SHC4: variants seen among roughly 807,000 people sequenced by gnomAD.
The protein encoded by SHC4 is SHC-transforming protein 4.
In SHC4, 41 loss-of-function variants were observed where a neutral mutation model predicts 69.4. The ratio of observed to expected loss-of-function variants is 0.59; its 90% CI spans 0.46 to 0.77. SHC4 has a LOEUF of 0.77. Among genes scored for constraint, SHC4 ranks in the 30% least tolerant of loss-of-function variants. The probability of loss-of-function intolerance (pLI) is 0.00; values close to 1 mark genes in which losing one functional copy is unlikely to be tolerated. For synonymous variants in SHC4, 318 were observed against 299.3 expected, an observed-to-expected ratio of 1.06 and a Z score of -0.64; for missense variants, 777 against 783.8, an observed-to-expected ratio of 0.99 and a Z score of 0.10.
At chr15:48,884,622 T>C (rs1900002187) in intron 3 of SHC4, among the ~76,000 whole-genome samples, 1 of 152,210 alleles carries the variant, frequency 6.6e-6, no homozygotes, top group African/African-American at 2.4e-5. Context: ...CCCCAGGTGC[T>C]GGGAGTGGGC....
chr15:48,945,407 A>T (rs1168481885), intron 1 of SHC4, among the ~76,000 whole-genome samples: 2 of 152,186 alleles, frequency 1.3e-5, no homozygotes, highest in African/African-American at 4.8e-5. Flanking sequence ...CTGCACAAAA[A>T]CTTACCCATG....
At chr15:48,826,646 GC>G in intron 11 of SHC4, among the ~76,000 whole-genome samples, 1 of 152,222 alleles carries the variant, frequency 6.6e-6, no homozygotes, top group African/African-American at 2.4e-5. Context: ...TTTGCAATCA[GC>G]CTCTTTGCAG....
intron 3 of SHC4, among the ~76,000 whole-genome samples, chr15:48,889,736 C>CG (rs949213272): frequency 5.3e-5 from 8 of 152,192 alleles, no homozygotes; most frequent in South Asian, 4.2e-4. Context: ...CCCAGCTACT[C>CG]GGGGGGCTGA....
At position 48,949,187 on chromosome 15, in the gene SHC4, C is replaced by A. The variant is rs572810263; in HGVS notation, c.585+13244G>T. On this transcript the variant is annotated intron_variant, in intron 1 of 11. Coordinates refer to ENST00000332408, the MANE Select transcript of SHC4 (RefSeq NM_203349.4). ...GAGATCGAGACCATCCTGGCTAACA[C>A]GGTGAAACTCCGTCTCTACTAAAAA... Among the ~76,000 whole-genome samples, 30 of 151,600 alleles carry A rather than the reference C, an allele frequency of 2.0e-4. No homozygotes were observed. The South Asian group carries it at 5.2e-3, about 26-fold the overall frequency.
intron 1 of SHC4, among the ~76,000 whole-genome samples, chr15:48,950,312 C>G (rs562974825): frequency 3.5e-4 from 52 of 149,942 alleles, no homozygotes; most frequent in African/African-American, 1.2e-3. Flanking sequence ...AAACTTCTAA[C>G]CGATCATTAG....
chr15:48,883,182 G>A (rs1234857898), intron 4 of SHC4, among the ~76,000 whole-genome samples: 3 of 151,850 alleles, frequency 2.0e-5, no homozygotes, highest in Non-Finnish European at 2.9e-5. Context: ...GAGAATATTT[G>A]AGTAAATAAT....
chr15:48,950,039 A>G (rs1901341413), intron 1 of SHC4, among the ~76,000 whole-genome samples: 1 of 142,358 alleles, frequency 7.0e-6, no homozygotes, highest in Non-Finnish European at 1.5e-5. Flanking sequence ...TAATATAAAT[A>G]TAATACAATA....
At chr15:48,884,589 A>G (rs186791724) in intron 3 of SHC4, among the ~76,000 whole-genome samples, 189 of 152,302 alleles carry the variant, frequency 1.2e-3, no homozygotes, top group Non-Finnish European at 1.6e-3. Context: ...AGGCCCTCAG[A>G]ACTTTCTCAT....
At position 48,843,368 on chromosome 15, in the gene SHC4, C is replaced by T; in HGVS notation, c.1483+41G>A. 3 of 1,527,236 alleles carry T rather than the reference C, an allele frequency of 2.0e-6. No homozygotes were observed. The East Asian group carries it at 6.9e-5, about 35-fold the overall frequency. 94.6% of individuals were successfully genotyped at this position (1,527,236 alleles called of 1,614,324 possible). On this transcript the variant is annotated intron_variant, in intron 10 of 11. Coordinates refer to ENST00000332408, the MANE Select transcript of SHC4 (RefSeq NM_203349.4). ...TTCTGTTTGTGGTAATTTGTTAAAA[C>T]AGCCCTAAGAAATGAATACAGACAG...
chr15:48,912,191 G>T (rs1007905221), intron 2 of SHC4, among the ~76,000 whole-genome samples: 11 of 152,000 alleles, frequency 7.2e-5, no homozygotes, highest in African/African-American at 2.4e-4. Context: ...TCCAAGTTTT[G>T]GAATTCTCTT....
intron 1 of SHC4, among the ~76,000 whole-genome samples, chr15:48,940,040 A>T (rs1207024619): frequency 6.6e-6 from 1 of 152,218 alleles, no homozygotes; most frequent in Non-Finnish European, 1.5e-5. Flanking sequence ...CCAGACACAG[A>T]TGCTGACAAG....
At chr15:48,928,049 C>T (rs145998180) in intron 1 of SHC4, among the ~76,000 whole-genome samples, 71 of 152,176 alleles carry the variant, frequency 4.7e-4, no homozygotes, top group African/African-American at 1.7e-3. Flanking sequence ...TTCTATTGTA[C>T]CTTTACAATG....
intron 6 of SHC4, among the ~76,000 whole-genome samples, chr15:48,860,935 G>A (rs1277575862): frequency 2.0e-5 from 3 of 152,148 alleles, no homozygotes; most frequent in African/African-American, 4.8e-5. Context: ...GGAACAGGGC[G>A]GCATGTGGGT....
chr15:48,851,128 T>C lies in SHC4; in HGVS notation c.1303+60A>G, dbSNP rs149218556. ...AGTATTTAAGAGCAAGGGCCACATA[T>C]GTCCATAGGACTTACAAGGAATAAG... On this transcript the variant is annotated intron_variant, in intron 9 of 11. Transcript: ENST00000332408. The C allele has an allele frequency of 2.0e-5, 30 of 1,528,800 alleles. No individual in the cohort carries two copies. In the East Asian group the frequency reaches 6.6e-4, roughly 33 times the overall value. 94.7% of individuals were successfully genotyped at this position (1,528,800 alleles called of 1,614,324 possible).
intron 1 of SHC4, among the ~76,000 whole-genome samples, chr15:48,951,693 C>T (rs1595768414): frequency 2.0e-5 from 3 of 152,190 alleles, no homozygotes; most frequent in Admixed American, 6.5e-5. Context: ...CTCTCCATCT[C>T]AGCCTATGGA....
intron 11 of SHC4, among the ~76,000 whole-genome samples, chr15:48,833,542 T>G (rs529043128): frequency 2.0e-5 from 3 of 152,292 alleles, no homozygotes; most frequent in South Asian, 4.2e-4. Context: ...AACCTTCAAG[T>G]TGTGTACTTT....
chr15:48,923,427 G>C (rs1217431269), intron 2 of SHC4, among the ~76,000 whole-genome samples: 1 of 151,556 alleles, frequency 6.6e-6, no homozygotes, highest in Non-Finnish European at 1.5e-5. Flanking sequence ...GCGGGCACCT[G>C]TAGTCCCGGC....
At chr15:48,916,944 C>T (rs1900634349) in intron 2 of SHC4, among the ~76,000 whole-genome samples, 1 of 152,168 alleles carries the variant, frequency 6.6e-6, no homozygotes, top group Non-Finnish European at 1.5e-5. Context: ...GTGTGCTCCG[C>T]CCCTCGGGGT....
At chr15:48,962,090 T>C (rs1901554490) in intron 1 of SHC4, among the ~76,000 whole-genome samples, 1 of 152,210 alleles carries the variant, frequency 6.6e-6, no homozygotes, top group African/African-American at 2.4e-5. Flanking sequence ...TTTGAAGTCC[T>C]TGACTCTTTT....
Sources: allele counts gnomAD v4.1 joint callset (sites outside exome capture counted in the v4.1 genomes callset), GRCh38; gene constraint gnomAD v4.1.1; transcripts MANE v1.5; gene names NCBI Gene and HGNC (gene_info 2026-07-23, HGNC 2026-07-21).